ROPN1L: variants seen among roughly 807,000 people sequenced by gnomAD.
ROPN1L encodes the protein rhophilin associated tail protein 1 like.
A neutral mutation model predicts 22.7 loss-of-function variants in ROPN1L; 23 were observed. The ratio of observed to expected loss-of-function variants is 1.01; its 90% CI spans 0.73 to 1.43. The LOEUF is 1.43. ROPN1L is among the 40% of genes most tolerant of loss of function. The pLI is 0.00. For missense variants in ROPN1L, 271 were observed against 291.5 expected, an observed-to-expected ratio of 0.93 and a Z score of 0.51; for synonymous variants, 116 against 117.8, an observed-to-expected ratio of 0.98 and a Z score of 0.10.
At chr5:10,454,311 C>G (rs767846336) in intron 3 of ROPN1L, among the ~76,000 whole-genome samples, 1 of 152,016 alleles carries the variant, frequency 6.6e-6, no homozygotes, top group Non-Finnish European at 1.5e-5. Context: ...TTTGTAGAGA[C>G]AAGTATCTTG....
intron 4 of ROPN1L, 60 bp from the exon 5 acceptor site, chr5:10,464,788 A>G (rs1264400971): frequency 1.1e-6 from 1 of 950,396 alleles, no homozygotes; most frequent in Non-Finnish European, 1.6e-6. Context: ...TTTTATAAAA[A>G]TGTTACTAAG....
chr5:10,475,737 C>T (rs774321675), downstream of ROPN1L, among the ~76,000 whole-genome samples: 6 of 152,220 alleles, frequency 3.9e-5, no homozygotes, highest in Admixed American at 2.6e-4. Flanking sequence ...ATTGTCCCAT[C>T]GCTCTGTTTC....
At chr5:10,473,000 G>A (rs922949762), downstream of ROPN1L, among the ~76,000 whole-genome samples, 13 of 152,130 alleles carry the variant, frequency 8.5e-5, no homozygotes. Flanking sequence ...TAGGATCATG[G>A]TTCTTCTCCT....
chr5:10,444,766 G>A (rs866399810), intron 1 of ROPN1L, among the ~76,000 whole-genome samples: 7 of 150,522 alleles, frequency 4.7e-5, no homozygotes, highest in Non-Finnish European at 8.9e-5. Flanking sequence ...TGGTGTGGTG[G>A]CACGCATCTG....
At chr5:10,444,653 G>A (rs1475034822) in intron 1 of ROPN1L, among the ~76,000 whole-genome samples, 1 of 150,564 alleles carries the variant, frequency 6.6e-6, no homozygotes, top group East Asian at 2.1e-4. Flanking sequence ...TAATCCCAGA[G>A]TTTGGGAGGC....
chr5:10,463,426 C>T (rs568787582), intron 4 of ROPN1L, among the ~76,000 whole-genome samples: 113 of 152,294 alleles, frequency 7.4e-4, no homozygotes, highest in Admixed American at 1.6e-3. Flanking sequence ...TGGTGACAAC[C>T]GCAGGGTCCG....
At chr5:10,460,079 A>AG (rs1222368852) in intron 3 of ROPN1L, among the ~76,000 whole-genome samples, 1 of 152,134 alleles carries the variant, frequency 6.6e-6, no homozygotes, top group East Asian at 1.9e-4. Context: ...GTGGGGACTG[A>AG]GGGGAGGGTC....
downstream of ROPN1L, among the ~76,000 whole-genome samples, chr5:10,469,028 G>A (rs922110236): frequency 4.6e-5 from 7 of 152,232 alleles, no homozygotes; most frequent in Middle Eastern, 3.4e-3. Flanking sequence ...GGTGGCAGGC[G>A]CCTGTAGTCC....
At chr5:10,462,088 T>C (rs146756200) in intron 4 of ROPN1L, among the ~76,000 whole-genome samples, 1 of 152,244 alleles carries the variant, frequency 6.6e-6, no homozygotes, top group African/African-American at 2.4e-5. Context: ...CATCAGCCCC[T>C]CTCCCCACCT....
chr5:10,478,082 G>A, the ROPN1L span: 1 of 152,518 alleles, frequency 6.6e-6, no homozygotes, highest in Non-Finnish European at 1.5e-5. Flanking sequence ...TCCTTCCATG[G>A]GTAGAGCCAG....
chr5:10,463,582 C>A (rs1371423267), intron 4 of ROPN1L, among the ~76,000 whole-genome samples: 1 of 152,210 alleles, frequency 6.6e-6, no homozygotes, highest in African/African-American at 2.4e-5. Flanking sequence ...CCCCTTGGGA[C>A]CACTGCCCCC....
chr5:10,450,108 G>C lies in ROPN1L; in HGVS notation c.412G>C (p.Gly138Arg). 3.1e-6 allele frequency: 5 copies of C among 1,612,680 alleles called. No homozygotes were observed. Among genetic ancestry groups the C allele is most frequent in the Non-Finnish European group, 4.2e-6 (5 of 1,179,386 alleles). ...NFLALGCSML[G>R]GSLNTALKHL... is the part of the protein sequence containing the mutation. ...TTTAGCGCTTGGATGCAGCATGCTT[G>C]GTGGGGTATGTACCTATAAACAGCA... The change falls in exon 3 of 5, where the codon GGT becomes CGT. Residue 138 changes from glycine (G) to arginine (R), a missense_variant. Physicochemically the swap from Gly to Arg is moderately radical, Grantham distance 125 (BLOSUM62 -2). Coordinates refer to ENST00000274134, the MANE Select transcript of ROPN1L (RefSeq NM_031916.5).
Position 10,464,935 on chromosome 5 carries a change from T to C in ROPN1L, c.681T>C (p.Asp227=), listed in dbSNP as rs1467754853. 1.3e-6 allele frequency: 2 copies of C among 1,581,744 alleles called. No homozygotes were observed. Among genetic ancestry groups the C allele is most frequent in the Non-Finnish European group, 1.7e-6 (2 of 1,159,956 alleles). Residue 227 remains aspartate, a synonymous_variant, in exon 5 of 5, where the codon GAT becomes GAC. Coordinates refer to ENST00000274134, the MANE Select transcript of ROPN1L (RefSeq NM_031916.5). ...TAGAAAGCATTGAAAACTCTGAAGA[T>C]GTAGGCCATTAATACAGAGAAGAAT... ...KLLESIENSE[D]VGH is the part of the protein sequence containing the mutation.
chr5:10,459,484 G>T (rs1402763252), intron 3 of ROPN1L, among the ~76,000 whole-genome samples: 1 of 152,004 alleles, frequency 6.6e-6, no homozygotes, highest in Non-Finnish European at 1.5e-5. Flanking sequence ...ATAGACCCCA[G>T]CCAAAGCCCA....
chr5:10,442,428 C>T (rs1307358652), intron 1 of ROPN1L, 130 bp downstream of exon 1: 5 of 1,145,034 alleles, frequency 4.4e-6, no homozygotes, highest in Admixed American at 2.6e-5. Flanking sequence ...CAAAACTTTC[C>T]CCTTAGCATT....
At chr5:10,448,232 G>T in intron 1 of ROPN1L, 28 bp from the exon 2 acceptor site, 1 of 1,613,202 alleles carries the variant, frequency 6.2e-7, no homozygotes, top group Non-Finnish European at 8.5e-7. Flanking sequence ...GTATTGATGA[G>T]CTTTCAGAGA....
chr5:10,465,402 C>A (rs1264501677), downstream of ROPN1L, among the ~76,000 whole-genome samples: 1 of 151,594 alleles, frequency 6.6e-6, no homozygotes, highest in African/African-American at 2.4e-5. Flanking sequence ...GTAGTCCCAG[C>A]TACTTGGGAG....
At chr5:10,467,605 G>A (rs931285659), downstream of ROPN1L, among the ~76,000 whole-genome samples, 1 of 152,168 alleles carries the variant, frequency 6.6e-6, no homozygotes, top group African/African-American at 2.4e-5. Flanking sequence ...TTATGGTCTC[G>A]TGCTCAGTAA....
chr5:10,445,785 T>C (rs1299445140), intron 1 of ROPN1L, among the ~76,000 whole-genome samples: 1 of 152,096 alleles, frequency 6.6e-6, no homozygotes, highest in African/African-American at 2.4e-5. Context: ...TAGCCGGCCA[T>C]GGTGATGCAT....
Sources: allele counts gnomAD v4.1 joint callset (sites outside exome capture counted in the v4.1 genomes callset), GRCh38; gene constraint gnomAD v4.1.1; transcripts MANE v1.5; gene names NCBI Gene and HGNC (gene_info 2026-07-23, HGNC 2026-07-21).